The following PCDHA13 variants were observed in gnomAD, a reference collection of about 807,000 sequenced individuals.
The protein encoded by PCDHA13 is protocadherin alpha 13.
In PCDHA13, 54 loss-of-function variants were observed where a neutral mutation model predicts 64.8. That is an observed-to-expected ratio of 0.83 (90% CI 0.67 to 1.04). PCDHA13 has a LOEUF of 1.04. Ranked by LOEUF, PCDHA13 falls within the 50% of genes least tolerant of loss-of-function variation. The pLI, the probability that PCDHA13 is intolerant of heterozygous loss-of-function variation, is 0.00. For missense variants in PCDHA13, 1,248 were observed against 1,254.3 expected (o/e 0.99, Z 0.08); for synonymous variants, 587 against 564.4 (o/e 1.04, Z -0.57).
chr5:140,899,513 C>T (rs4552682), intron 1 of PCDHA13, among the ~76,000 whole-genome samples: 7,065 of 152,042 alleles, frequency 0.046, 286 homozygotes, highest in African/African-American at 0.11. Flanking sequence ...GCATATATTG[C>T]ATCCCAGGGA....
At chr5:140,979,908 TAA>T (rs782196172) in intron 2 of PCDHA13, among the ~76,000 whole-genome samples, 3 of 152,250 alleles carry the variant, frequency 2.0e-5, no homozygotes, top group Non-Finnish European at 4.4e-5. Context: ...GATCAGTTCG[TAA>T]AGAGAAAGCC....
chr5:140,902,324 C>T (rs1554190388), intron 1 of PCDHA13, among the ~76,000 whole-genome samples: 1 of 151,472 alleles, frequency 6.6e-6, no homozygotes, highest in Non-Finnish European at 1.5e-5. Flanking sequence ...AGGTGTAACT[C>T]ACTTCGCCTG....
At chr5:140,902,085 GT>G (rs1225919893) in intron 1 of PCDHA13, among the ~76,000 whole-genome samples, 1 of 151,518 alleles carries the variant, frequency 6.6e-6, no homozygotes, top group African/African-American at 2.4e-5. Context: ...TGTTTTAATA[GT>G]TTTTTGGAGT....
At chr5:140,940,934 G>A (rs155815) in intron 1 of PCDHA13, among the ~76,000 whole-genome samples, 48,303 of 152,082 alleles carry the variant, frequency 0.32, 8,018 homozygotes, top group East Asian at 0.53. Flanking sequence ...TGGCTACTTA[G>A]ACTACGTATT....
intron 1 of PCDHA13, among the ~76,000 whole-genome samples, chr5:140,926,146 G>T (rs553563976): frequency 6.6e-5 from 10 of 152,056 alleles, no homozygotes; most frequent in Non-Finnish European, 1.3e-4. Context: ...GATCCAGCGC[G>T]GAAAGCTCTG....
chr5:141,010,455 T>G lies in PCDHA13; in HGVS notation c.*518T>G. The stretch of plus-strand genomic sequence containing the variant: ...AACAAAGACAAATAAACAGCGGAAG[T>G]TATCAGTATGGAGGGGAAGTGTAAA... On this transcript the variant is annotated 3_prime_UTR_variant, in exon 4 of 4. Transcript: ENST00000289272. 1 of 883,470 alleles carries G rather than the reference T, an allele frequency of 1.1e-6. No homozygotes were observed. Among genetic ancestry groups the G allele is most frequent in the South Asian group, 1.9e-5 (1 of 53,228 alleles). 54.7% of individuals were successfully genotyped at this position (883,470 alleles called of 1,614,324 possible). A position where few individuals can be genotyped will look rare whatever the true frequency, so the allele number is the denominator to read the frequency against.
intron 3 of PCDHA13, among the ~76,000 whole-genome samples, chr5:141,000,339 ATC>A (rs1414297743): frequency 2.0e-5 from 2 of 102,334 alleles, no homozygotes; most frequent in Admixed American, 1.0e-4. Context: ...GCAAGGCCCT[ATC>A]TCTCTCTCTG....
intron 1 of PCDHA13, among the ~76,000 whole-genome samples, chr5:140,937,563 G>T (rs986469529): frequency 2.0e-5 from 3 of 151,960 alleles, no homozygotes; most frequent in African/African-American, 7.3e-5. Flanking sequence ...GTTGCAGTGA[G>T]CTGGGATCGC....
At chr5:140,908,530 T>G (rs1554193400) in intron 1 of PCDHA13, among the ~76,000 whole-genome samples, 1 of 152,148 alleles carries the variant, frequency 6.6e-6, no homozygotes, top group African/African-American at 2.4e-5. Flanking sequence ...AATGTTCAGT[T>G]TCCACCAAAG....
chr5:140,965,174 C>CT (rs1213439654), intron 1 of PCDHA13, among the ~76,000 whole-genome samples: 4 of 152,228 alleles, frequency 2.6e-5, no homozygotes, highest in Non-Finnish European at 2.9e-5. Flanking sequence ...TTAGTGAGTG[C>CT]TTTTTTTGCA....
At chr5:140,894,446 T>TA (rs2064476840) in intron 1 of PCDHA13, among the ~76,000 whole-genome samples, 2 of 152,118 alleles carry the variant, frequency 1.3e-5, no homozygotes, top group East Asian at 3.9e-4. Flanking sequence ...AGCTCTTTTT[T>TA]AAAAAATATT....
At position 140,883,758 on chromosome 5, in the gene PCDHA13, G is replaced by C. The variant is rs781858673; in HGVS notation, c.1490G>C (p.Arg497Pro). ...CTGGTCTCCTACTCGCTGGTGGAGC[G>C]GCGGGTGGGCGAGCGTGCGCTGTCG... ...NALVSYSLVE[R>P]RVGERALSSY... The change falls in exon 1 of 4, where the codon CGG (arginine) becomes CCG (proline). Residue 497 changes from arginine to proline, a missense_variant. Coordinates refer to ENST00000289272, the MANE Select transcript of PCDHA13 (RefSeq NM_018904.3). 2.5e-6 allele frequency: 4 copies of C among 1,612,920 alleles called. No homozygotes were observed. Among genetic ancestry groups the C allele is most frequent in the Non-Finnish European group, 3.4e-6 (4 of 1,179,770 alleles).
intron 3 of PCDHA13, among the ~76,000 whole-genome samples, chr5:140,985,666 A>G (rs547448150): frequency 1.3e-5 from 2 of 151,942 alleles, no homozygotes; most frequent in South Asian, 4.2e-4. Flanking sequence ...GAATAAAGGA[A>G]GTGGGGCCTG....
At position 140,987,008 on chromosome 5, in the gene PCDHA13, G is replaced by A. The variant is rs958548514; in HGVS notation, c.2542+4445G>A. 2.6e-5 allele frequency among the ~76,000 whole-genome samples: 4 copies of A among 152,260 alleles called. No individual in the cohort carries two copies. The South Asian group carries it at 6.2e-4, about 24-fold the overall frequency. On this transcript the variant is annotated intron_variant, in intron 3 of 3. Transcript: ENST00000289272. ...GCAGGCAGATCACTTGAGGTCATGA[G>A]TTCGAGACCAGCCTGGTCAACATGG... is the stretch of plus-strand genomic sequence containing the variant.
chr5:140,926,209 T>A (rs553307318), intron 1 of PCDHA13, among the ~76,000 whole-genome samples: 1 of 152,028 alleles, frequency 6.6e-6, no homozygotes, highest in African/African-American at 2.4e-5. Context: ...GGGGGGCTCC[T>A]GTTTCCTTAA....
chr5:140,924,531 G>A (rs1194516404), intron 1 of PCDHA13, among the ~76,000 whole-genome samples: 2 of 152,070 alleles, frequency 1.3e-5, no homozygotes, highest in African/African-American at 2.4e-5. Flanking sequence ...GAGAATGCCC[G>A]AGCTACCCCT....
intron 1 of PCDHA13, among the ~76,000 whole-genome samples, chr5:140,892,821 T>C (rs2063687425): frequency 6.6e-6 from 1 of 152,210 alleles, no homozygotes; most frequent in Non-Finnish European, 1.5e-5. Context: ...TATCCTACAG[T>C]GCTACAGTGC....
At chr5:140,919,614 T>C (rs1186816141) in intron 1 of PCDHA13, among the ~76,000 whole-genome samples, 1 of 152,212 alleles carries the variant, frequency 6.6e-6, no homozygotes, top group Non-Finnish European at 1.5e-5. Flanking sequence ...TTAAACTGTA[T>C]CTTTTGAGTT....
chr5:140,987,523 T>C (rs942927324), intron 3 of PCDHA13, among the ~76,000 whole-genome samples: 1 of 152,174 alleles, frequency 6.6e-6, no homozygotes, highest in Non-Finnish European at 1.5e-5. Context: ...AGTAATTGTA[T>C]GTTCCTGGGA....
Sources: allele counts gnomAD v4.1 joint callset (sites outside exome capture counted in the v4.1 genomes callset), GRCh38; gene constraint gnomAD v4.1.1; transcripts MANE v1.5; gene names NCBI Gene and HGNC (gene_info 2026-07-23, HGNC 2026-07-21).